SLC35F3: variants seen among roughly 807,000 people sequenced by gnomAD.
SLC35F3 encodes putative thiamine transporter SLC35F3.
A neutral mutation model predicts 49.9 loss-of-function variants in SLC35F3; 25 were observed. That is an observed-to-expected ratio of 0.50 (90% CI 0.37 to 0.70). The LOEUF (loss-of-function observed/expected upper bound fraction) is 0.70, where lower values mean the gene tolerates loss of function less well. Ranked by LOEUF, SLC35F3 falls within the 30% of genes least tolerant of loss-of-function variation. The probability of loss-of-function intolerance (pLI) is 0.00; values close to 1 mark genes in which losing one functional copy is unlikely to be tolerated. For synonymous variants in SLC35F3, 275 were observed against 265.4 expected, an observed-to-expected ratio of 1.04 and a Z score of -0.35; for missense variants, 525 against 639.8, an observed-to-expected ratio of 0.82 and a Z score of 1.94.
intron 2 of SLC35F3, among the ~76,000 whole-genome samples, chr1:234,165,261 A>C (rs1186911536): frequency 6.6e-6 from 1 of 152,184 alleles, no homozygotes; most frequent in Admixed American, 6.5e-5. Flanking sequence ...ATATTATTCC[A>C]TGTCAGCAAA....
At chr1:234,318,431 G>T (rs1266349198) in intron 5 of SLC35F3, among the ~76,000 whole-genome samples, 2 of 152,220 alleles carry the variant, frequency 1.3e-5, no homozygotes, top group Non-Finnish European at 1.5e-5. Flanking sequence ...AGGGGTCTCT[G>T]AGAGGATGCG....
intron 3 of SLC35F3, among the ~76,000 whole-genome samples, chr1:234,267,855 CAG>C (rs1425569696): frequency 1.4e-5 from 2 of 142,492 alleles, no homozygotes; most frequent in Non-Finnish European, 3.0e-5. Flanking sequence ...ACATCCCAGA[CAG>C]GGCGGCGGGG....
At chr1:234,065,570 T>C (rs1012048154) in intron 2 of SLC35F3, among the ~76,000 whole-genome samples, 3 of 152,254 alleles carry the variant, frequency 2.0e-5, no homozygotes, top group African/African-American at 7.2e-5. Context: ...ACTATTGTTG[T>C]GTTTAAAATA....
intron 2 of SLC35F3, among the ~76,000 whole-genome samples, chr1:233,933,345 T>G (rs1019811073): frequency 5.9e-5 from 9 of 152,182 alleles, no homozygotes; most frequent in Non-Finnish European, 1.0e-4. Flanking sequence ...TAAAAAGTTA[T>G]TTTTTAACTT....
intron 2 of SLC35F3, among the ~76,000 whole-genome samples, chr1:234,095,614 T>A (rs1004622019): frequency 2.0e-5 from 3 of 152,248 alleles, no homozygotes; most frequent in African/African-American, 7.2e-5. Flanking sequence ...TTTATTTATA[T>A]GACATGATTT....
intron 2 of SLC35F3, among the ~76,000 whole-genome samples, chr1:234,156,081 T>C (rs1666147182): frequency 2.0e-5 from 3 of 152,138 alleles, no homozygotes; most frequent in Admixed American, 2.0e-4. Context: ...TTTTAATATA[T>C]GAAAAGGTTT....
chr1:234,242,644 T>A (rs920211925), intron 3 of SLC35F3, among the ~76,000 whole-genome samples: 1 of 152,170 alleles, frequency 6.6e-6, no homozygotes, highest in African/African-American at 2.4e-5. Context: ...ACTAATTACA[T>A]ACACCTCCTA....
At chr1:234,154,577 G>A (rs1025191308) in intron 2 of SLC35F3, among the ~76,000 whole-genome samples, 1 of 152,138 alleles carries the variant, frequency 6.6e-6, no homozygotes, top group Non-Finnish European at 1.5e-5. Context: ...AGTTATCAGA[G>A]GCCACAGGGG....
At chr1:234,093,478 C>G (rs1003270540) in intron 2 of SLC35F3, among the ~76,000 whole-genome samples, 2 of 152,254 alleles carry the variant, frequency 1.3e-5, no homozygotes, top group East Asian at 3.9e-4. Flanking sequence ...GCCCTGCTCT[C>G]TGTTTACTAT....
intron 2 of SLC35F3, among the ~76,000 whole-genome samples, chr1:234,013,958 G>A (rs77384181): frequency 0.068 from 10,308 of 152,030 alleles, 610 homozygotes; most frequent in East Asian, 0.25. Flanking sequence ...TATGAGGAAA[G>A]CCATACATCT....
chr1:234,123,406 G>A (rs1222803903), intron 2 of SLC35F3, among the ~76,000 whole-genome samples: 1 of 152,042 alleles, frequency 6.6e-6, no homozygotes, highest in African/African-American at 2.4e-5. Flanking sequence ...TGTTAAGCAT[G>A]TTTTGTTTTG....
At chr1:234,304,115 T>G (rs1444528376) in intron 3 of SLC35F3, among the ~76,000 whole-genome samples, 3 of 151,548 alleles carry the variant, frequency 2.0e-5, no homozygotes, top group African/African-American at 7.3e-5. Flanking sequence ...TCTCCCTCTC[T>G]CTCTCATTTT....
At chr1:233,969,863 A>T (rs1358323890) in intron 2 of SLC35F3, among the ~76,000 whole-genome samples, 1 of 152,036 alleles carries the variant, frequency 6.6e-6, no homozygotes, top group Non-Finnish European at 1.5e-5. Context: ...CTGGATTCTG[A>T]GATCTGGTCA....
At chr1:234,194,603 T>C (rs1026681953) in intron 2 of SLC35F3, among the ~76,000 whole-genome samples, 2 of 147,142 alleles carry the variant, frequency 1.4e-5, no homozygotes, top group African/African-American at 5.0e-5. Flanking sequence ...GGAAATTTTT[T>C]AAAAAATTAA....
chr1:233,909,129 T>A (rs1322936562), intron 2 of SLC35F3, among the ~76,000 whole-genome samples: 1 of 152,180 alleles, frequency 6.6e-6, no homozygotes, highest in Non-Finnish European at 1.5e-5. Context: ...AGTAATGGGA[T>A]TACAGGCATG....
At chr1:234,088,762 C>G (rs937477596) in intron 2 of SLC35F3, among the ~76,000 whole-genome samples, 14 of 152,012 alleles carry the variant, frequency 9.2e-5, no homozygotes, top group African/African-American at 3.4e-4. Context: ...CAGAAGATTT[C>G]TTTTTTTCTT....
intron 2 of SLC35F3, among the ~76,000 whole-genome samples, chr1:234,195,021 G>A (rs1666786893): frequency 1.3e-5 from 2 of 152,208 alleles, no homozygotes; most frequent in South Asian, 4.1e-4. Flanking sequence ...GATACCCCAA[G>A]ACACTTCTTT....
At chr1:233,984,038 C>T (rs931098457) in intron 2 of SLC35F3, among the ~76,000 whole-genome samples, 3 of 152,234 alleles carry the variant, frequency 2.0e-5, no homozygotes, top group African/African-American at 7.2e-5. Flanking sequence ...TTTCCCTCCT[C>T]TCTGGCCTTG....
intron 2 of SLC35F3, among the ~76,000 whole-genome samples, chr1:234,056,204 T>C (rs930208748): frequency 6.6e-5 from 10 of 152,030 alleles, no homozygotes; most frequent in Non-Finnish European, 1.5e-4. Context: ...CATTTTTATT[T>C]TCTAAGATGT....
Sources: gnomAD v4.1 joint callset for allele counts (sites outside exome capture counted in the v4.1 genomes callset) on GRCh38, gnomAD v4.1.1 for gene constraint, MANE v1.5 for transcripts, NCBI Gene and HGNC (gene_info 2026-07-23, HGNC 2026-07-21) for gene names.